LRP1B: variants seen among roughly 807,000 people sequenced by gnomAD.
LRP1B encodes the protein low-density lipoprotein receptor-related protein 1B.
Under a neutral mutation model 556.6 loss-of-function variants are expected in LRP1B, and 217 were observed. That is an observed-to-expected ratio of 0.39 (90% confidence interval 0.35 to 0.44). The LOEUF (loss-of-function observed/expected upper bound fraction) is 0.44, where lower values mean the gene tolerates loss of function less well. Among genes scored for constraint, LRP1B ranks in the 20% least tolerant of loss-of-function variants. The pLI is 1.00. For missense variants in LRP1B, 5,053 were observed against 5,620.8 expected (o/e 0.90, Z 3.23); for synonymous variants, 2,047 against 1,865.8 (o/e 1.10, Z -2.50).
chr2:140,585,939 T>C (rs1287168933), intron 43 of LRP1B, among the ~76,000 whole-genome samples: 1 of 152,186 alleles, frequency 6.6e-6, no homozygotes, highest in East Asian at 1.9e-4. Context: ...CTTATTCCTG[T>C]TTAAATTCAT....
At chr2:140,410,127 AT>A (rs1355877211) in intron 66 of LRP1B, among the ~76,000 whole-genome samples, 3 of 152,088 alleles carry the variant, frequency 2.0e-5, no homozygotes, top group African/African-American at 7.2e-5. Flanking sequence ...AAGATTTGTT[AT>A]TCCTGAGCTA....
Position 140,321,992 on chromosome 2 carries a change from TTAA to T in LRP1B, c.12608_12610del (p.Ile4203del). 6.2e-7 allele frequency: 1 copy of T among 1,613,096 alleles called. No individual in the cohort carries two copies. Among genetic ancestry groups the T allele is most frequent in the Non-Finnish European group, 8.5e-7 (1 of 1,179,384 alleles). On this transcript the variant is annotated inframe_deletion, in exon 82 of 91. Coordinates refer to ENST00000389484, the MANE Select transcript of LRP1B (RefSeq NM_018557.3). ...CAGGCTGTCATCATTGCAGGTGCCA[TTAA>T]TCAAATATTTTCCTTCTGGACACAC...
intron 2 of LRP1B, among the ~76,000 whole-genome samples, chr2:141,556,046 C>A (rs1685950648): frequency 6.6e-6 from 1 of 151,742 alleles, no homozygotes; most frequent in East Asian, 1.9e-4. Flanking sequence ...ATGTATTTAT[C>A]TAAACTAATG....
intron 7 of LRP1B, among the ~76,000 whole-genome samples, chr2:141,187,238 T>C (rs760628632): frequency 6.6e-6 from 1 of 152,090 alleles, no homozygotes; most frequent in Non-Finnish European, 1.5e-5. Context: ...TCAAGAATTA[T>C]ATTACACAGC....
At chr2:141,721,466 T>C (rs1358337789) in intron 2 of LRP1B, among the ~76,000 whole-genome samples, 2 of 152,120 alleles carry the variant, frequency 1.3e-5, no homozygotes, top group African/African-American at 2.4e-5. Context: ...AGATATTAGG[T>C]TTTTTTGTAC....
chr2:140,592,528 A>C (rs926036453), intron 43 of LRP1B, among the ~76,000 whole-genome samples: 3 of 152,056 alleles, frequency 2.0e-5, no homozygotes, highest in Admixed American at 6.6e-5. Flanking sequence ...AAGCATTTCA[A>C]ACCTATGTTG....
chr2:140,493,633 G>A (rs1282156938), intron 56 of LRP1B, among the ~76,000 whole-genome samples: 1 of 150,030 alleles, frequency 6.7e-6, no homozygotes, highest in African/African-American at 2.4e-5. Flanking sequence ...AAAACGTAAT[G>A]TTGATAGAAA....
intron 3 of LRP1B, among the ~76,000 whole-genome samples, chr2:141,408,069 C>A (rs1276426587): frequency 6.6e-6 from 1 of 151,754 alleles, no homozygotes; most frequent in Non-Finnish European, 1.5e-5. Context: ...TACATCTGCA[C>A]AACCTTAAGC....
At chr2:141,275,776 A>T (rs1409536545) in intron 3 of LRP1B, among the ~76,000 whole-genome samples, 1 of 152,188 alleles carries the variant, frequency 6.6e-6, no homozygotes, top group Non-Finnish European at 1.5e-5. Context: ...AGACTAAAAC[A>T]CATTCAAAGA....
chr2:141,151,288 G>A (rs975590005), intron 7 of LRP1B, among the ~76,000 whole-genome samples: 2 of 152,076 alleles, frequency 1.3e-5, no homozygotes, highest in Non-Finnish European at 2.9e-5. Context: ...ATCATACACT[G>A]GCTCTAGAAT....
At chr2:141,171,624 C>A (rs1255208430) in intron 7 of LRP1B, among the ~76,000 whole-genome samples, 1 of 152,068 alleles carries the variant, frequency 6.6e-6, no homozygotes, top group Admixed American at 6.6e-5. Flanking sequence ...AACATCTCAT[C>A]AGAAAACCTC....
chr2:142,016,012 A>AAAAAAAAAAAAT (rs1559023425), intron 1 of LRP1B, among the ~76,000 whole-genome samples: 2 of 149,330 alleles, frequency 1.3e-5, no homozygotes, highest in Non-Finnish European at 3.0e-5. Flanking sequence ...AAAAAAAAAA[A>AAAAAAAAAAAAT]GTGGGTGAAG....
intron 1 of LRP1B, among the ~76,000 whole-genome samples, chr2:141,980,025 G>A (rs1701999730): frequency 6.6e-6 from 1 of 152,106 alleles, no homozygotes; most frequent in Admixed American, 6.6e-5. Context: ...AGGTCACCTT[G>A]TATAATTGAT....
intron 10 of LRP1B, among the ~76,000 whole-genome samples, chr2:141,050,782 G>T (rs1175201530): frequency 6.6e-6 from 1 of 152,056 alleles, no homozygotes; most frequent in Non-Finnish European, 1.5e-5. Context: ...GTTGGCAAAT[G>T]GGATCTAATT....
chr2:141,951,416 G>GTA (rs953390357), intron 1 of LRP1B, among the ~76,000 whole-genome samples: 4 of 152,070 alleles, frequency 2.6e-5, no homozygotes. Flanking sequence ...CAGCTCCAAC[G>GTA]TATAGGTGAG....
At chr2:142,113,853 T>G (rs1252396947) in intron 1 of LRP1B, among the ~76,000 whole-genome samples, 2 of 152,144 alleles carry the variant, frequency 1.3e-5, no homozygotes, top group Non-Finnish European at 2.9e-5. Context: ...AAATGGTAAC[T>G]AAGCAGGCCA....
At chr2:141,612,456 G>T (rs375919140) in intron 2 of LRP1B, among the ~76,000 whole-genome samples, 1 of 152,106 alleles carries the variant, frequency 6.6e-6, no homozygotes, top group East Asian at 1.9e-4. Context: ...AGAGTTGTGG[G>T]CACAAGACAA....
At chr2:140,280,092 TC>T (rs959657139) in intron 84 of LRP1B, among the ~76,000 whole-genome samples, 15 of 151,884 alleles carry the variant, frequency 9.9e-5, no homozygotes, top group African/African-American at 3.6e-4. Context: ...AGTAGGCAAA[TC>T]TAAATGAAAA....
intron 7 of LRP1B, among the ~76,000 whole-genome samples, chr2:141,084,906 C>A (rs1412435685): frequency 6.6e-6 from 1 of 152,138 alleles, no homozygotes; most frequent in Non-Finnish European, 1.5e-5. Context: ...GCCTCGGCCT[C>A]CCAAAGTGCT....
Sources: gnomAD v4.1 joint callset for allele counts (sites outside exome capture counted in the v4.1 genomes callset) on GRCh38, gnomAD v4.1.1 for gene constraint, MANE v1.5 for transcripts, NCBI Gene and HGNC (gene_info 2026-07-23, HGNC 2026-07-21) for gene names.